The following ELP4 variants were observed in gnomAD, a reference collection of about 807,000 sequenced individuals.
ELP4 encodes the protein elongator acetyltransferase complex subunit 4, also known as elongator complex protein 4.
Under a neutral mutation model 48.9 loss-of-function variants are expected in ELP4, and 51 were observed. That is an observed-to-expected ratio of 1.04 (90% confidence interval 0.83 to 1.32). ELP4 has a LOEUF of 1.32. Among genes scored for constraint, ELP4 ranks in the 40% most tolerant of loss-of-function variants. The pLI, the probability that ELP4 is intolerant of heterozygous loss-of-function variation, is 0.00. For missense variants in ELP4, 519 were observed against 514.6 expected (o/e 1.01, Z -0.08); for synonymous variants, 210 against 189.2 (o/e 1.11, Z -0.90).
At chr11:31,555,161 A>G (rs1166648700) in intron 3 of ELP4, among the ~76,000 whole-genome samples, 2 of 152,104 alleles carry the variant, frequency 1.3e-5, no homozygotes, top group Admixed American at 6.5e-5. Flanking sequence ...ATAATGTGCT[A>G]TGTACGATGA....
chr11:31,709,998 T>TA (rs1167655414), intron 9 of ELP4, among the ~76,000 whole-genome samples: 27 of 152,326 alleles, frequency 1.8e-4, no homozygotes, highest in Non-Finnish European at 3.2e-4. Flanking sequence ...TCCTTGCACT[T>TA]ATCACAGTCT....
At chr11:31,567,974 C>G (rs1294799873) in intron 3 of ELP4, among the ~76,000 whole-genome samples, 1 of 152,158 alleles carries the variant, frequency 6.6e-6, no homozygotes, top group African/African-American at 2.4e-5. Flanking sequence ...CATCAATTGA[C>G]TCTTCTTCTT....
chr11:31,600,696 C>T (rs1376860114), intron 4 of ELP4: 1 of 152,086 alleles, frequency 6.6e-6, no homozygotes, highest in Non-Finnish European at 1.5e-5. Context: ...TAATTATTAG[C>T]TCCAGATTCT....
intron 3 of ELP4, among the ~76,000 whole-genome samples, chr11:31,557,168 AT>A (rs1307144699): frequency 4.6e-5 from 7 of 151,722 alleles, no homozygotes; most frequent in Non-Finnish European, 8.9e-5. Flanking sequence ...CATCTTTTAA[AT>A]TTTTTTTATG....
rs139107684 is a variant in ELP4 at position 31,760,083 on chromosome 11, G to T, written c.1144-23310G>T. Among the ~76,000 whole-genome samples, 303 of 152,260 alleles carry T rather than the reference G, an allele frequency of 2.0e-3. 1 individual carries two copies. Among genetic ancestry groups the T allele is most frequent in the Middle Eastern group, 3.4e-3 (1 of 294 alleles). ...ATTAAGTGATCTGAGATATTGATGAGCCTGACTACCATAAAGATATATACT... is the reference window on the plus strand; with the variant it reads ...ATTAAGTGATCTGAGATATTGATGATCCTGACTACCATAAAGATATATACT... On this transcript the variant is annotated intron_variant, in intron 9 of 9. Transcript: ENST00000640961.
intron 9 of ELP4, among the ~76,000 whole-genome samples, chr11:31,655,386 A>T (rs1245388701): frequency 6.6e-6 from 1 of 152,044 alleles, no homozygotes; most frequent in Middle Eastern, 3.2e-3. Context: ...AAGAAAAAAA[A>T]AAACATCATT....
At chr11:31,695,852 A>G (rs1332309497) in intron 9 of ELP4, among the ~76,000 whole-genome samples, 2 of 146,776 alleles carry the variant, frequency 1.4e-5, no homozygotes, top group Admixed American at 1.4e-4. Context: ...AGAGCCTGTT[A>G]TTTGTCTATT....
In ELP4 at chr11:31,752,794, A is replaced by G. The variant is rs1404875816; in HGVS notation, c.1144-30599A>G. Among the ~76,000 whole-genome samples, 3 of 150,664 alleles carry G rather than the reference A, an allele frequency of 2.0e-5. No homozygotes were observed. In the Admixed American group the frequency reaches 2.0e-4, roughly 10 times the overall value. On this transcript the variant is annotated intron_variant, in intron 9 of 9. Transcript: ENST00000640961. ...GCTTGCAGTGAGCTGGGATCGCGCC[A>G]CTGAACTCCAGCCTGGACGACAGAG...
intron 4 of ELP4, among the ~76,000 whole-genome samples, chr11:31,595,857 A>G (rs1957662194): frequency 6.6e-6 from 1 of 152,224 alleles, no homozygotes; most frequent in Non-Finnish European, 1.5e-5. Flanking sequence ...TTGTATGTAT[A>G]CAAAATCTGT....
chr11:31,587,082 CCTCT>C (rs1231220245), intron 3 of ELP4, among the ~76,000 whole-genome samples: 2 of 152,148 alleles, frequency 1.3e-5, no homozygotes, highest in African/African-American at 4.8e-5. Context: ...GTATTCTTTC[CCTCT>C]GTTTTCTTAG....
intron 3 of ELP4, among the ~76,000 whole-genome samples, chr11:31,570,790 C>A (rs1241179584): frequency 1.2e-5 from 1 of 86,076 alleles, no homozygotes. Context: ...ACTGTAAACT[C>A]TTTTTTTTTT....
chr11:31,608,805 A>G (rs1217371027), intron 5 of ELP4, among the ~76,000 whole-genome samples: 1 of 152,156 alleles, frequency 6.6e-6, no homozygotes, highest in East Asian at 1.9e-4. Flanking sequence ...ATGTGAGACG[A>G]GACCTGGGAA....
chr11:31,695,206 G>A (rs1363888835), intron 9 of ELP4, among the ~76,000 whole-genome samples: 1 of 152,126 alleles, frequency 6.6e-6, no homozygotes, highest in Non-Finnish European at 1.5e-5. Context: ...GAATAGGAGT[G>A]GTGAGAGAGG....
chr11:31,537,315 G>A (rs1342276577), intron 2 of ELP4, among the ~76,000 whole-genome samples: 3 of 152,128 alleles, frequency 2.0e-5, no homozygotes, highest in Non-Finnish European at 4.4e-5. Flanking sequence ...AAAACCGATT[G>A]TATGGATTTA....
At chr11:31,639,350 G>C (rs1341889430) in intron 7 of ELP4, among the ~76,000 whole-genome samples, 1 of 151,834 alleles carries the variant, frequency 6.6e-6, no homozygotes, top group Non-Finnish European at 1.5e-5. Flanking sequence ...CAGTGACTTT[G>C]TGTCAGTATA....
intron 3 of ELP4, among the ~76,000 whole-genome samples, chr11:31,575,377 T>G (rs1022576301): frequency 2.9e-4 from 44 of 152,204 alleles, no homozygotes; most frequent in African/African-American, 1.1e-3. Context: ...CAGGATATTA[T>G]CCAGGAGAAC....
chr11:31,660,116 T>C lies in ELP4; in HGVS notation c.1143+9895T>C, dbSNP rs1366072031. Among the ~76,000 whole-genome samples, 88 of 152,200 alleles carry C rather than the reference T, an allele frequency of 5.8e-4. 1 individual carries two copies. Among genetic ancestry groups the C allele is most frequent in the Admixed American group, 5.7e-3 (87 of 15,262 alleles). ...TGTTTATTAATTTTCTAAATAATTATATGAATGAAAAAAGCTTATCTTTCT... is the reference window on the plus strand; with the variant it reads ...TGTTTATTAATTTTCTAAATAATTACATGAATGAAAAAAGCTTATCTTTCT... On this transcript the variant is annotated intron_variant, in intron 9 of 9. Transcript: ENST00000640961.
At chr11:31,535,318 T>C (rs1956482082) in intron 2 of ELP4, among the ~76,000 whole-genome samples, 1 of 152,184 alleles carries the variant, frequency 6.6e-6, no homozygotes, top group South Asian at 2.1e-4. Context: ...TTATATACAA[T>C]AAAATGCACC....
intron 9 of ELP4, among the ~76,000 whole-genome samples, chr11:31,660,277 G>A (rs1945527406): frequency 6.6e-6 from 1 of 152,012 alleles, no homozygotes; most frequent in Non-Finnish European, 1.5e-5. Flanking sequence ...AGCTTGTACT[G>A]TAGCTATGGT....
Sources: allele counts gnomAD v4.1 joint callset (sites outside exome capture counted in the v4.1 genomes callset), GRCh38; gene constraint gnomAD v4.1.1; transcripts MANE v1.5; gene names NCBI Gene and HGNC (gene_info 2026-07-23, HGNC 2026-07-21).